The following LPGAT1 variants were observed in gnomAD, a reference collection of about 807,000 sequenced individuals.
The protein encoded by LPGAT1 is acyl-CoA:lysophosphatidylglycerol acyltransferase 1.
LPGAT1 carries 11 observed loss-of-function variants against 47.5 expected under a neutral mutation model. The ratio of observed to expected loss-of-function variants is 0.23; its 90% CI spans 0.15 to 0.38. The LOEUF is 0.38. LPGAT1 is among the 10% of genes least tolerant of loss of function. The pLI, the probability that LPGAT1 is intolerant of heterozygous loss-of-function variation, is 1.00. For missense variants in LPGAT1, 293 were observed against 439.0 expected (o/e 0.67, Z 2.97); for synonymous variants, 138 against 144.2 (o/e 0.96, Z 0.31).
At chr1:211,769,712 T>C (rs1658084706) in intron 6 of LPGAT1, among the ~76,000 whole-genome samples, 1 of 152,196 alleles carries the variant, frequency 6.6e-6, no homozygotes, top group African/African-American at 2.4e-5. Context: ...GACATTTCCA[T>C]GGCATTTGTA....
intron 2 of LPGAT1, among the ~76,000 whole-genome samples, chr1:211,799,000 T>A (rs999584398): frequency 6.6e-6 from 1 of 152,178 alleles, no homozygotes; most frequent in Admixed American, 6.5e-5. Context: ...CTCCATAACA[T>A]TCTAGTCAAG....
At chr1:211,788,626 G>A (rs921775996) in intron 3 of LPGAT1, among the ~76,000 whole-genome samples, 5 of 151,572 alleles carry the variant, frequency 3.3e-5, no homozygotes, top group Non-Finnish European at 5.9e-5. Flanking sequence ...AGGTTGCAGT[G>A]AGCCAAGATC....
intron 4 of LPGAT1, among the ~76,000 whole-genome samples, chr1:211,786,004 A>C (rs1053998303): frequency 6.6e-6 from 1 of 152,178 alleles, no homozygotes; most frequent in African/African-American, 2.4e-5. Flanking sequence ...TAAGGTGCTC[A>C]GCTAGCTTTT....
chr1:211,793,860 G>T (rs1269468187), intron 2 of LPGAT1, among the ~76,000 whole-genome samples: 3 of 152,126 alleles, frequency 2.0e-5, no homozygotes, highest in Non-Finnish European at 4.4e-5. Flanking sequence ...CAAGGGAATG[G>T]ACAAGAAAAT....
chr1:211,754,163 C>G (rs1304140336), intron 6 of LPGAT1, among the ~76,000 whole-genome samples: 2 of 152,178 alleles, frequency 1.3e-5, no homozygotes, highest in Non-Finnish European at 2.9e-5. Context: ...CAGAGTAAGC[C>G]TCCAATGTTT....
intron 6 of LPGAT1, among the ~76,000 whole-genome samples, chr1:211,760,529 T>C (rs1025213735): frequency 6.6e-6 from 1 of 151,514 alleles, no homozygotes; most frequent in Non-Finnish European, 1.5e-5. Flanking sequence ...AATAAAAACA[T>C]TCTGAATCAT....
intron 2 of LPGAT1, among the ~76,000 whole-genome samples, chr1:211,795,689 A>G (rs1039552651): frequency 9.9e-5 from 15 of 152,136 alleles, no homozygotes; most frequent in African/African-American, 3.6e-4. Context: ...TAAAAAGGAC[A>G]GAGAATATAC....
At chr1:211,818,901 T>C (rs1660269119) in intron 2 of LPGAT1, among the ~76,000 whole-genome samples, 1 of 152,202 alleles carries the variant, frequency 6.6e-6, no homozygotes, top group Admixed American at 6.5e-5. Context: ...TGGAAACCAC[T>C]GGGAGACAAA....
intron 3 of LPGAT1, 140 bp downstream of exon 3, chr1:211,792,932 G>A (rs957739003): frequency 2.1e-5 from 11 of 525,312 alleles, no homozygotes; most frequent in Non-Finnish European, 3.1e-5. Context: ...GGATGGCCTC[G>A]ATCTCTTGAC....
rs1037627237 is a variant in LPGAT1, at chr1:211,759,812, C to A, written c.855-8745G>T. Reference sequence around the variant, plus strand: ...CTTATGCTCTACTGATAAACAGTTTCTCATCTTTTGTTATTAGAAACAATG... The same window carrying A: ...CTTATGCTCTACTGATAAACAGTTTATCATCTTTTGTTATTAGAAACAATG... On this transcript the variant is annotated intron_variant, in intron 6 of 7. Transcript: ENST00000366997. Among the ~76,000 whole-genome samples the A allele has an allele frequency of 8.5e-5, 13 of 152,130 alleles. 1 individual carries two copies. The highest frequency in any genetic ancestry group is 1.5e-5 in the Non-Finnish European group (1 of 68,020).
At chr1:211,776,464 G>T (rs12117000) in intron 6 of LPGAT1, among the ~76,000 whole-genome samples, 5,904 of 152,140 alleles carry the variant, frequency 0.039, 139 homozygotes, top group Middle Eastern at 0.11. Flanking sequence ...TTGAACCCAG[G>T]AGGTGGAGGT....
intron 4 of LPGAT1, among the ~76,000 whole-genome samples, chr1:211,786,036 C>T (rs926304137): frequency 2.0e-5 from 3 of 152,164 alleles, no homozygotes; most frequent in Non-Finnish European, 4.4e-5. Context: ...GACTGCTAAG[C>T]TTTCTAATTG....
Position 211,830,614 on chromosome 1 carries a change from G to A in LPGAT1, c.-69C>T. 1 of 1,207,846 alleles carries A rather than the reference G, an allele frequency of 8.3e-7. No homozygotes were observed. Among genetic ancestry groups the A allele is most frequent in the Non-Finnish European group, 1.0e-6 (1 of 972,496 alleles). The allele number at this position is 1,207,846 out of a possible 1,614,324, so 74.8% of individuals were successfully genotyped here. A position where few individuals can be genotyped will look rare whatever the true frequency, so the allele number is the denominator to read the frequency against. ...CCCAGCCGGGGCTTTGGGAGTCAGAGGAGCCGGAAGAATGCATGGCCGGCG... is the reference window on the plus strand; with the variant it reads ...CCCAGCCGGGGCTTTGGGAGTCAGAAGAGCCGGAAGAATGCATGGCCGGCG... On this transcript the variant is annotated 5_prime_UTR_variant, in exon 1 of 8. Transcript: ENST00000366997. The surrounding 1 kb of genome is among the most constrained non-coding windows in gnomAD (Gnocchi z 5.9).
chr1:211,793,660 T>G (rs968148735), intron 2 of LPGAT1, among the ~76,000 whole-genome samples: 3 of 152,146 alleles, frequency 2.0e-5, no homozygotes. Context: ...CTCAAACTCT[T>G]GACCTCAAGT....
At chr1:211,780,966 A>G (rs1658617131) in intron 5 of LPGAT1, among the ~76,000 whole-genome samples, 4 of 152,216 alleles carry the variant, frequency 2.6e-5, no homozygotes, top group Admixed American at 2.6e-4. Context: ...AAATCATGTG[A>G]TAACAAAAAT....
chr1:211,783,795 G>A (rs977379389), intron 4 of LPGAT1, among the ~76,000 whole-genome samples: 2 of 152,174 alleles, frequency 1.3e-5, no homozygotes, highest in African/African-American at 4.8e-5. Flanking sequence ...CCTGCTATGT[G>A]CCACGCATTG....
intron 2 of LPGAT1, among the ~76,000 whole-genome samples, chr1:211,815,333 C>G (rs562748087): frequency 1.3e-5 from 2 of 152,284 alleles, no homozygotes; most frequent in African/African-American, 2.4e-5. Context: ...TCAGGGGCAT[C>G]CCTGTCACCT....
rs111893894 is a variant in LPGAT1 at position 211,748,079 on chromosome 1, C to T, written c.*1820G>A. The stretch of plus-strand genomic sequence containing the variant: ...TAACTGGGGAAAATTCACATCTTTT[C>T]TGTTTTTTTTTGGTTTATTTAAAAA... On this transcript the variant is annotated 3_prime_UTR_variant, in exon 8 of 8. Transcript: ENST00000366997. 1,578 of 150,582 alleles carry T rather than the reference C, an allele frequency of 0.01. 16 individuals carry two copies. The highest frequency in any genetic ancestry group is 0.015 in the Non-Finnish European group (1,006 of 67,134). The allele number at this position is 150,582 out of a possible 1,614,324, so 9.3% of individuals were successfully genotyped here.
chr1:211,777,984 C>T (rs1412526540), intron 6 of LPGAT1, among the ~76,000 whole-genome samples: 1 of 152,216 alleles, frequency 6.6e-6, no homozygotes, highest in Non-Finnish European at 1.5e-5. Flanking sequence ...TATGCTCCCA[C>T]CAGTGCCATC....
Sources: gnomAD v4.1 joint callset for allele counts (sites outside exome capture counted in the v4.1 genomes callset) on GRCh38, gnomAD v4.1.1 for gene constraint, Gnocchi (gnomAD v3.1) non-coding constraint, MANE v1.5 for transcripts, NCBI Gene and HGNC (gene_info 2026-07-23, HGNC 2026-07-21) for gene names.